Variants in TMEM161B observed in about 807,000 individuals in gnomAD.
The protein encoded by TMEM161B is transmembrane protein 161B.
Under a neutral mutation model 61.8 loss-of-function variants are expected in TMEM161B, and 34 were observed. The ratio of observed to expected loss-of-function variants is 0.55; its 90% CI spans 0.42 to 0.73. The LOEUF is 0.73. TMEM161B is among the 30% of genes least tolerant of loss of function. TMEM161B has a pLI of 0.00. For synonymous variants in TMEM161B, 167 were observed against 192.8 expected, an observed-to-expected ratio of 0.87 and a Z score of 1.11; for missense variants, 456 against 558.5, an observed-to-expected ratio of 0.82 and a Z score of 1.85.
intron 10 of TMEM161B, 43 bp downstream of exon 10, chr5:88,198,933 C>A (rs762896042): frequency 5.3e-5 from 79 of 1,495,374 alleles, no homozygotes; most frequent in Non-Finnish European, 6.4e-5. Flanking sequence ...TTTTACAGTG[C>A]GGTTTTTGCT....
At chr5:88,258,338 C>A (rs1755259460) in intron 1 of TMEM161B, among the ~76,000 whole-genome samples, 1 of 152,084 alleles carries the variant, frequency 6.6e-6, no homozygotes, top group South Asian at 2.1e-4. Flanking sequence ...CCTACCCAAA[C>A]AACTAAACTG....
chr5:88,244,627 CT>C (rs1753313039), intron 1 of TMEM161B, among the ~76,000 whole-genome samples: 1 of 134,744 alleles, frequency 7.4e-6, no homozygotes, highest in Non-Finnish European at 1.6e-5. Context: ...GCTATTTGAG[CT>C]TTTTTGGTTC....
rs79843284 is a variant in TMEM161B, at chr5:88,237,204, A to G, written c.107+3609T>C. ...ACTCACCAATCTTGTTTTTTATACC[A>G]TAAGTATTATTTCCCAGCCTCCCCT... On this transcript the variant is annotated intron_variant, in intron 2 of 11. Transcript: ENST00000296595. 7.2e-3 allele frequency among the ~76,000 whole-genome samples: 1,094 copies of G among 152,282 alleles called. 14 individuals carry two copies. Among genetic ancestry groups the G allele is most frequent in the African/African-American group, 0.024 (1,006 of 41,552 alleles).
intron 1 of TMEM161B, among the ~76,000 whole-genome samples, chr5:88,260,450 T>C (rs4916894): frequency 0.033 from 4,949 of 152,216 alleles, 316 homozygotes; most frequent in East Asian, 0.16. Context: ...ATTTTTAGTT[T>C]TTATTTTTGT....
chr5:88,190,366 T>C (rs545880259), downstream of TMEM161B: 2 of 660,480 alleles, frequency 3.0e-6, no homozygotes, highest in Non-Finnish European at 5.5e-6. Context: ...CTGACCTAGA[T>C]GGGTGGTTTC....
intron 2 of TMEM161B, among the ~76,000 whole-genome samples, chr5:88,230,454 C>A (rs1750805706): frequency 1.3e-5 from 2 of 152,012 alleles, no homozygotes; most frequent in Admixed American, 6.6e-5. Flanking sequence ...TTGAAAATTC[C>A]CATTAAAACA....
At chr5:88,251,314 AACTGGGGAAGTC>A (rs1167758104) in intron 1 of TMEM161B, among the ~76,000 whole-genome samples, 1 of 152,118 alleles carries the variant, frequency 6.6e-6, no homozygotes, top group Non-Finnish European at 1.5e-5. Flanking sequence ...CTGTAGGAGT[AACTGGGGAAGTC>A]ACAAATCTTG....
At chr5:88,205,716 TCAATACAATAATTTATGATTACATTA>T (rs1745328867) in intron 8 of TMEM161B, 72 bp downstream of exon 8, 2 of 1,380,166 alleles carry the variant, frequency 1.4e-6, no homozygotes, top group Admixed American at 4.9e-5. Context: ...TTATTAATTT[TCAATACAATAATTTATGATTACATTA>T]CAATATTATA....
intron 1 of TMEM161B, among the ~76,000 whole-genome samples, chr5:88,241,947 C>G (rs557023406): frequency 1.3e-5 from 2 of 151,758 alleles, no homozygotes; most frequent in African/African-American, 4.8e-5. Flanking sequence ...AATAGAGCAT[C>G]TTCTATAGAA....
intron 6 of TMEM161B, 53 bp downstream of exon 6, chr5:88,206,976 T>C: frequency 3.3e-6 from 5 of 1,534,222 alleles, no homozygotes; most frequent in Non-Finnish European, 4.5e-6. Context: ...AAGTCAAAAA[T>C]ATTAACACTA....
chr5:88,235,656 C>G (rs1397202334), intron 2 of TMEM161B, among the ~76,000 whole-genome samples: 1 of 152,160 alleles, frequency 6.6e-6, no homozygotes, highest in Admixed American at 6.5e-5. Flanking sequence ...TTCCAGCCCC[C>G]AGAACTGAGA....
intron 1 of TMEM161B, among the ~76,000 whole-genome samples, chr5:88,243,658 G>C (rs968875844): frequency 6.6e-6 from 1 of 151,850 alleles, no homozygotes; most frequent in Non-Finnish European, 1.5e-5. Flanking sequence ...TAAGTTATTT[G>C]AGAAGTCGCC....
downstream of TMEM161B, among the ~76,000 whole-genome samples, chr5:88,192,002 A>ATGTATG (rs1748974171): frequency 1.2e-5 from 1 of 86,836 alleles, no homozygotes; most frequent in African/African-American, 5.1e-5. Flanking sequence ...ATATATATAT[A>ATGTATG]TATATATATA....
intron 1 of TMEM161B, among the ~76,000 whole-genome samples, chr5:88,242,738 T>G (rs1341569312): frequency 6.6e-6 from 1 of 151,758 alleles, no homozygotes; most frequent in African/African-American, 2.4e-5. Flanking sequence ...TTGTTTTTAT[T>G]GTCACTGTTA....
intron 5 of TMEM161B, among the ~76,000 whole-genome samples, chr5:88,217,885 G>C (rs1215730453): frequency 7.5e-6 from 1 of 132,932 alleles, no homozygotes; most frequent in Admixed American, 8.1e-5. Flanking sequence ...AAGCAACTCA[G>C]AGTAAAAAGA....
chr5:88,267,625 G>C (rs2112807871), intron 1 of TMEM161B, among the ~76,000 whole-genome samples: 1 of 152,200 alleles, frequency 6.6e-6, no homozygotes, highest in African/African-American at 2.4e-5. Context: ...CCGTGATCTT[G>C]AAAAACAGCA....
At chr5:88,221,641 A>G in intron 4 of TMEM161B, 1 of 453,104 alleles carries the variant, frequency 2.2e-6, no homozygotes. Context: ...CATTGAAATT[A>G]ACATTCTTTG....
At chr5:88,215,737 C>G (rs1221336995) in intron 5 of TMEM161B, among the ~76,000 whole-genome samples, 2 of 152,128 alleles carry the variant, frequency 1.3e-5, no homozygotes, top group Non-Finnish European at 2.9e-5. Flanking sequence ...GTGCTAAAGG[C>G]TGTGTGGGAC....
At position 88,195,587 on chromosome 5, in the gene TMEM161B, T is replaced by C; in HGVS notation, c.*624A>G. On this transcript the variant is annotated 3_prime_UTR_variant, in exon 12 of 12. Transcript: ENST00000296595. ...AACTCTCAAGTTGGGTGGAATATGT[T>C]TTAAAACAATACTCTTGCTATTCTC... 1.0e-6 allele frequency: 1 copy of C among 985,422 alleles called. No homozygotes were observed. 61.0% of individuals were successfully genotyped at this position (985,422 alleles called of 1,614,324 possible). A position where few individuals can be genotyped will look rare whatever the true frequency, so the allele number is the denominator to read the frequency against.
Sources: allele counts gnomAD v4.1 joint callset (sites outside exome capture counted in the v4.1 genomes callset), GRCh38; gene constraint gnomAD v4.1.1; transcripts MANE v1.5; gene names NCBI Gene and HGNC (gene_info 2026-07-23, HGNC 2026-07-21).